MAP1B: variants seen among roughly 807,000 people sequenced by gnomAD.
MAP1B encodes microtubule associated protein 1B.
In MAP1B, 12 loss-of-function variants were observed where a neutral mutation model predicts 176.1. The ratio of observed to expected loss-of-function variants is 0.07; its 90% CI spans 0.04 to 0.11. The LOEUF (loss-of-function observed/expected upper bound fraction) is 0.11. Ranked by LOEUF, MAP1B falls within the 10% of genes least tolerant of loss-of-function variation. The probability of loss-of-function intolerance (pLI) is 1.00; values close to 1 mark genes in which losing one functional copy is unlikely to be tolerated. For missense variants in MAP1B, 2,523 were observed against 2,990.5 expected, an observed-to-expected ratio of 0.84 and a Z score of 3.65; for synonymous variants, 1,044 against 1,135.0, an observed-to-expected ratio of 0.92 and a Z score of 1.61.
intron 2 of MAP1B, among the ~76,000 whole-genome samples, chr5:72,128,664 A>T (rs115910981): frequency 6.6e-6 from 1 of 152,048 alleles, no homozygotes; most frequent in Admixed American, 6.6e-5. Context: ...TTTTTTGAGA[A>T]AGGGTCTCAC....
chr5:72,198,247 C>G lies in MAP1B; in HGVS notation c.4892C>G (p.Ser1631Cys). 6.2e-7 allele frequency: 1 copy of G among 1,614,216 alleles called. No homozygotes were observed. Among genetic ancestry groups the G allele is most frequent in the South Asian group, 1.1e-5 (1 of 91,080 alleles). Residue 1631 changes from serine (S) to cysteine (C), a missense_variant, in exon 5 of 7, where the codon TCC becomes TGC. Ser to Cys is a moderately radical substitution (Grantham distance 112). This residue lies in a region of MAP1B where 1,925 missense variants were observed against 2,126.0 expected (regional missense o/e 0.91). Transcript: ENST00000296755. Reference protein sequence around the residue: ...PPDFSPKTAKSRTPVQDHRSE... With the variant: ...PPDFSPKTAKCRTPVQDHRSE... ...GATTTCTCCCCTAAAACTGCAAAGT[C>G]CAGGACACCCGTTCAAGATCACAGA...
intron 2 of MAP1B, among the ~76,000 whole-genome samples, chr5:72,177,598 C>T (rs1246549571): frequency 6.6e-6 from 1 of 152,220 alleles, no homozygotes; most frequent in Non-Finnish European, 1.5e-5. Context: ...TCCTGCCTCA[C>T]CAGCTCCCAT....
Position 72,135,401 on chromosome 5 carries a change from T to G in MAP1B, c.286+19602T>G, listed in dbSNP as rs115656457. On this transcript the variant is annotated intron_variant, in intron 2 of 6. Transcript: ENST00000296755. ...ACTTGAGTGAGTAAAGGTGGTGGTTTTCTTTTTTTCTCTCTCTCTCTCATT... is the reference window on the plus strand; with the variant it reads ...ACTTGAGTGAGTAAAGGTGGTGGTTGTCTTTTTTTCTCTCTCTCTCTCATT... 4.6e-3 allele frequency among the ~76,000 whole-genome samples: 697 copies of G among 152,304 alleles called. 5 individuals carry two copies. Among genetic ancestry groups the G allele is most frequent in the Non-Finnish European group, 7.9e-3 (536 of 68,012 alleles).
intron 2 of MAP1B, among the ~76,000 whole-genome samples, chr5:72,121,606 G>A (rs762196297): frequency 8.5e-5 from 13 of 152,298 alleles, no homozygotes; most frequent in Admixed American, 3.9e-4. Context: ...TCAGTCATGC[G>A]AATCTTCTCC....
chr5:72,161,392 A>G (rs763819910), intron 2 of MAP1B, among the ~76,000 whole-genome samples: 23 of 152,252 alleles, frequency 1.5e-4, no homozygotes, highest in Non-Finnish European at 3.4e-4. Flanking sequence ...ATTGTGGCTC[A>G]TATGAATAAT....
chr5:72,158,674 G>GA (rs1746273772), intron 2 of MAP1B, among the ~76,000 whole-genome samples: 2 of 152,176 alleles, frequency 1.3e-5, no homozygotes, highest in South Asian at 4.1e-4. Flanking sequence ...GGGCTCAGTG[G>GA]AAATGAATAT....
At chr5:72,161,136 G>T (rs1038108891) in intron 2 of MAP1B, among the ~76,000 whole-genome samples, 1 of 152,180 alleles carries the variant, frequency 6.6e-6, no homozygotes, top group African/African-American at 2.4e-5. Flanking sequence ...GTCAGCCAGG[G>T]TGTTTGACTC....
At chr5:72,179,529 C>T (rs919328415) in intron 2 of MAP1B, 6 of 712,860 alleles carry the variant, frequency 8.4e-6, no homozygotes, top group African/African-American at 1.9e-5. Context: ...GCATCCCAGC[C>T]GCCTGCGCTG....
At chr5:72,111,665 T>C (rs1229315299) in intron 1 of MAP1B, among the ~76,000 whole-genome samples, 2 of 152,242 alleles carry the variant, frequency 1.3e-5, no homozygotes, top group Non-Finnish European at 2.9e-5. Context: ...CTGCTTGCAC[T>C]GCTTAATTGG....
chr5:72,123,759 C>T (rs1419145362), intron 2 of MAP1B, among the ~76,000 whole-genome samples: 4 of 152,152 alleles, frequency 2.6e-5, no homozygotes, highest in African/African-American at 9.7e-5. Context: ...GCTGGGATTA[C>T]AGGCGTGAGC....
At chr5:72,154,979 C>T (rs533459131) in intron 2 of MAP1B, among the ~76,000 whole-genome samples, 8 of 152,280 alleles carry the variant, frequency 5.3e-5, no homozygotes, top group Admixed American at 5.2e-4. Flanking sequence ...ATTCTAGACT[C>T]CAGATTGAAC....
intron 2 of MAP1B, among the ~76,000 whole-genome samples, chr5:72,131,981 A>G (rs551986749): frequency 6.6e-6 from 1 of 152,334 alleles, no homozygotes; most frequent in South Asian, 2.1e-4. Context: ...TCTTGGTCCT[A>G]TGTGATGAAG....
chr5:72,107,924 C>T (rs1745144024), intron 1 of MAP1B, among the ~76,000 whole-genome samples: 1 of 152,228 alleles, frequency 6.6e-6, no homozygotes, highest in African/African-American at 2.4e-5. Context: ...TCTCCAATAA[C>T]CTTGAGGGAT....
intron 1 of MAP1B, among the ~76,000 whole-genome samples, chr5:72,114,959 A>G (rs141557061): frequency 6.6e-6 from 1 of 152,334 alleles, no homozygotes; most frequent in Non-Finnish European, 1.5e-5. Flanking sequence ...AAGTATAAAA[A>G]GTTGCCATTT....
At chr5:72,137,507 G>T (rs887047923) in intron 2 of MAP1B, among the ~76,000 whole-genome samples, 1 of 152,110 alleles carries the variant, frequency 6.6e-6, no homozygotes, top group African/African-American at 2.4e-5. Flanking sequence ...AATTTACCTG[G>T]CCAAATCAAG....
At chr5:72,132,151 C>G (rs1324811744) in intron 2 of MAP1B, among the ~76,000 whole-genome samples, 8 of 152,088 alleles carry the variant, frequency 5.3e-5, no homozygotes, top group Non-Finnish European at 7.4e-5. Flanking sequence ...TTTTCTTGTT[C>G]TATGTAGTAT....
chr5:72,110,441 C>T (rs993841932), intron 1 of MAP1B, among the ~76,000 whole-genome samples: 14 of 152,212 alleles, frequency 9.2e-5, no homozygotes, highest in Non-Finnish European at 1.5e-4. Context: ...GCAGGCCCTT[C>T]CAGCGCTAAG....
At chr5:72,119,940 CA>C (rs1301767058) in intron 2 of MAP1B, among the ~76,000 whole-genome samples, 1 of 152,150 alleles carries the variant, frequency 6.6e-6, no homozygotes, top group African/African-American at 2.4e-5. Flanking sequence ...AGTCTGACCA[CA>C]AAAGCAAAGC....
chr5:72,154,551 G>C (rs1006630971), intron 2 of MAP1B, among the ~76,000 whole-genome samples: 2 of 152,204 alleles, frequency 1.3e-5, no homozygotes, highest in Admixed American at 6.5e-5. Flanking sequence ...GCGGTCCCCG[G>C]CTTCCTGCCC....
Sources: gnomAD v4.1 joint callset for allele counts (sites outside exome capture counted in the v4.1 genomes callset) on GRCh38, gnomAD v4.1.1 for gene constraint, gnomAD v4.1.1 regional missense constraint, MANE v1.5 for transcripts, NCBI Gene and HGNC (gene_info 2026-07-23, HGNC 2026-07-21) for gene names.